Variants in ADAM22 observed in about 807,000 individuals in gnomAD.
ADAM22 encodes the protein disintegrin and metalloproteinase domain-containing protein 22.
A neutral mutation model predicts 144.6 loss-of-function variants in ADAM22; 65 were observed. That is an observed-to-expected ratio of 0.45 (90% CI 0.37 to 0.55). The LOEUF (loss-of-function observed/expected upper bound fraction) is 0.55. Ranked by LOEUF, ADAM22 falls within the 20% of genes least tolerant of loss-of-function variation. The pLI is 0.00. For synonymous variants in ADAM22, 391 were observed against 412.6 expected (o/e 0.95, Z 0.63); for missense variants, 974 against 1,184.9 (o/e 0.82, Z 2.61).
intron 14 of ADAM22, among the ~76,000 whole-genome samples, chr7:88,141,690 C>T (rs1834723636): frequency 6.6e-6 from 1 of 151,968 alleles, no homozygotes; most frequent in Non-Finnish European, 1.5e-5. Flanking sequence ...CAGCATTTTT[C>T]TGAGTCTGTT....
intron 4 of ADAM22, among the ~76,000 whole-genome samples, chr7:88,079,194 A>C (rs1335518634): frequency 1.3e-5 from 2 of 152,196 alleles, no homozygotes; most frequent in Admixed American, 6.5e-5. Flanking sequence ...CCAATATTCA[A>C]CATTCTTAAA....
At chr7:88,174,294 A>G (rs1245594528) in intron 26 of ADAM22, among the ~76,000 whole-genome samples, 1 of 152,140 alleles carries the variant, frequency 6.6e-6, no homozygotes, top group Non-Finnish European at 1.5e-5. Flanking sequence ...CAAACTTTGT[A>G]ATAGAAAGAA....
At chr7:88,071,598 A>C (rs1213324654) in intron 3 of ADAM22, among the ~76,000 whole-genome samples, 1 of 152,044 alleles carries the variant, frequency 6.6e-6, no homozygotes. Context: ...TGCCCACTAC[A>C]CAAAGGATAA....
intron 3 of ADAM22, among the ~76,000 whole-genome samples, chr7:88,044,292 A>C (rs1803937396): frequency 6.6e-6 from 1 of 152,162 alleles, no homozygotes; most frequent in Non-Finnish European, 1.5e-5. Flanking sequence ...ATCATCTATG[A>C]TTATGATGAT....
intron 3 of ADAM22, among the ~76,000 whole-genome samples, chr7:88,035,406 A>G (rs532421920): frequency 3.3e-5 from 5 of 152,294 alleles, no homozygotes; most frequent in African/African-American, 7.2e-5. Flanking sequence ...CCTTCCCCCA[A>G]GGGAAGGGGT....
intron 4 of ADAM22, among the ~76,000 whole-genome samples, chr7:88,076,767 C>T (rs1814638865): frequency 6.6e-6 from 1 of 152,170 alleles, no homozygotes; most frequent in Non-Finnish European, 1.5e-5. Flanking sequence ...GTAGGGCTTC[C>T]TTCTGCTCAG....
At chr7:88,165,760 A>G in intron 23 of ADAM22, 72 bp from the exon 24 acceptor site, 1 of 1,030,432 alleles carries the variant, frequency 9.7e-7, no homozygotes, top group East Asian at 2.6e-5. Flanking sequence ...TAATAATAAG[A>G]AATTAGTGTT....
intron 3 of ADAM22, among the ~76,000 whole-genome samples, chr7:88,005,552 T>C (rs34545132): frequency 0.12 from 17,931 of 152,138 alleles, 1,314 homozygotes; most frequent in East Asian, 0.31. Context: ...CAGATCTTGA[T>C]CCTATGACAA....
At position 88,200,110 on chromosome 7, in the gene ADAM22, G is replaced by A. The variant is rs545484238; in HGVS notation, c.*3619G>A. The A allele has an allele frequency of 6.6e-6, 1 of 152,024 alleles. No individual in the cohort carries two copies. Among genetic ancestry groups the A allele is most frequent in the Non-Finnish European group, 1.5e-5 (1 of 67,998 alleles). The allele number at this position is 152,024 out of a possible 1,614,324, so 9.4% of individuals were successfully genotyped here. On this transcript the variant is annotated 3_prime_UTR_variant, in exon 32 of 32. Coordinates refer to ENST00000413139, the MANE Select transcript of ADAM22 (RefSeq NM_001324418.2). ...CCTTTTTTGGGATTTTGTTCTTTATGTTTTACAGTTACCTTCGGACCAGAA... is the reference window on the plus strand; with the variant it reads ...CCTTTTTTGGGATTTTGTTCTTTATATTTTACAGTTACCTTCGGACCAGAA...
At chr7:88,147,483 G>A (rs1836870772) in intron 17 of ADAM22, among the ~76,000 whole-genome samples, 1 of 152,216 alleles carries the variant, frequency 6.6e-6, no homozygotes, top group African/African-American at 2.4e-5. Context: ...TTTGAAAGCA[G>A]CCTTTGAAAA....
At chr7:88,058,125 CAAG>C (rs1808795855) in intron 3 of ADAM22, among the ~76,000 whole-genome samples, 1 of 151,982 alleles carries the variant, frequency 6.6e-6, no homozygotes, top group African/African-American at 2.4e-5. Context: ...TTGGAAGATA[CAAG>C]AAGAATGGAC....
chr7:88,164,172 A>T lies in ADAM22; in HGVS notation c.2076+992A>T, dbSNP rs369387325. Among the ~76,000 whole-genome samples the T allele has an allele frequency of 2.4e-4, 37 of 152,206 alleles. No homozygotes were observed. The South Asian group carries it at 7.3e-3, about 30-fold the overall frequency. On this transcript the variant is annotated intron_variant, in intron 23 of 31. Transcript: ENST00000413139. ...AGTCTTCTTTTCTTAATCTAAGAGG[A>T]TGTTAGGGGATAAGAGGAAAAGAAT...
At chr7:87,940,829 G>C (rs1217178059) in intron 2 of ADAM22, among the ~76,000 whole-genome samples, 1 of 152,158 alleles carries the variant, frequency 6.6e-6, no homozygotes, top group Non-Finnish European at 1.5e-5. Context: ...TGTGCTGAAA[G>C]AATTGTATGT....
chr7:87,949,896 T>G (rs1019492296), intron 2 of ADAM22, among the ~76,000 whole-genome samples: 6 of 149,944 alleles, frequency 4.0e-5, no homozygotes, highest in African/African-American at 1.5e-4. Flanking sequence ...GTCTATTATA[T>G]AAATTATAAC....
At chr7:88,017,310 G>A (rs1796748070) in intron 3 of ADAM22, among the ~76,000 whole-genome samples, 2 of 152,108 alleles carry the variant, frequency 1.3e-5, no homozygotes, top group Admixed American at 6.5e-5. Flanking sequence ...AAATGTTTAA[G>A]GTGATGGATA....
Position 87,934,270 on chromosome 7 carries a change from C to A in ADAM22, c.-196C>A. ...TGCAGCACTCGCTCGCTCCCCCCGC[C>A]AGCGGAAGCGTCCGCGAAGCACAAT... On this transcript the variant is annotated 5_prime_UTR_variant, in exon 1 of 32. Transcript: ENST00000413139. 1.9e-6 allele frequency: 1 copy of A among 517,046 alleles called. No individual in the cohort carries two copies. Among genetic ancestry groups the A allele is most frequent in the Non-Finnish European group, 3.3e-6 (1 of 299,708 alleles). 32.0% of individuals were successfully genotyped at this position (517,046 alleles called of 1,614,324 possible). A position where few individuals can be genotyped will look rare whatever the true frequency, so the allele number is the denominator to read the frequency against.
chr7:87,969,885 C>T (rs571435477), intron 2 of ADAM22, among the ~76,000 whole-genome samples: 2 of 152,228 alleles, frequency 1.3e-5, no homozygotes, highest in South Asian at 2.1e-4. Flanking sequence ...ATATAATCAG[C>T]TTATGAAAAC....
At chr7:88,170,157 T>C (rs1159013010) in intron 25 of ADAM22, among the ~76,000 whole-genome samples, 1 of 152,040 alleles carries the variant, frequency 6.6e-6, no homozygotes, top group Non-Finnish European at 1.5e-5. Context: ...CTCATTTAAG[T>C]TGATTTTAGC....
At chr7:88,105,718 C>G (rs924274758) in intron 4 of ADAM22, among the ~76,000 whole-genome samples, 3 of 152,126 alleles carry the variant, frequency 2.0e-5, no homozygotes, top group African/African-American at 7.2e-5. Flanking sequence ...AAGTTTTCAT[C>G]CCTACTTGGC....
Sources: allele counts gnomAD v4.1 joint callset (sites outside exome capture counted in the v4.1 genomes callset), GRCh38; gene constraint gnomAD v4.1.1; transcripts MANE v1.5; gene names NCBI Gene and HGNC (gene_info 2026-07-23, HGNC 2026-07-21).